SOBP: variants seen among roughly 807,000 people sequenced by gnomAD.
The protein encoded by SOBP is sine oculis binding protein homolog.
In SOBP, 4 loss-of-function variants were observed where a neutral mutation model predicts 53.6. That is an observed-to-expected ratio of 0.07 (90% confidence interval 0.04 to 0.17). The LOEUF (loss-of-function observed/expected upper bound fraction) is 0.17. Ranked by LOEUF, SOBP falls within the 10% of genes least tolerant of loss-of-function variation. The pLI, the probability that SOBP is intolerant of heterozygous loss-of-function variation, is 1.00. For synonymous variants in SOBP, 584 were observed against 522.6 expected, an observed-to-expected ratio of 1.12 and a Z score of -1.60; for missense variants, 1,088 against 1,204.7, an observed-to-expected ratio of 0.90 and a Z score of 1.43.
chr6:107,579,586 CA>C lies in SOBP; in HGVS notation c.574-7493del, dbSNP rs555222980. Reference sequence around the variant, plus strand: ...ATGTGGAATCTGTTGCCATAACTGTCACGCAATCCATTAGGGCCCCTGAGTA... The same window carrying C: ...ATGTGGAATCTGTTGCCATAACTGTCCGCAATCCATTAGGGCCCCTGAGTA... On this transcript the variant is annotated intron_variant, in intron 4 of 6. Coordinates refer to ENST00000317357, the MANE Select transcript of SOBP (RefSeq NM_018013.4). Among the ~76,000 whole-genome samples, 140 of 152,242 alleles carry C rather than the reference CA, an allele frequency of 9.2e-4. 3 individuals carry two copies. In the South Asian group the frequency reaches 0.026, roughly 28 times the overall value.
chr6:107,553,537 G>A (rs1212789981), intron 4 of SOBP, among the ~76,000 whole-genome samples: 2 of 151,484 alleles, frequency 1.3e-5, no homozygotes, highest in Non-Finnish European at 2.9e-5. Flanking sequence ...TGTCGCCCAG[G>A]CTGGAGTGCA....
chr6:107,546,372 A>G (rs2115004485), intron 4 of SOBP, among the ~76,000 whole-genome samples: 1 of 152,370 alleles, frequency 6.6e-6, no homozygotes, highest in Admixed American at 6.5e-5. Flanking sequence ...TGAGAAGCTT[A>G]AGTGCTGTAA....
At chr6:107,641,519 G>A (rs890862047) in intron 6 of SOBP, among the ~76,000 whole-genome samples, 2 of 152,202 alleles carry the variant, frequency 1.3e-5, no homozygotes, top group Admixed American at 6.5e-5. Context: ...GGACAGGTCG[G>A]TGAACACCAG....
intron 5 of SOBP, among the ~76,000 whole-genome samples, chr6:107,613,766 A>G (rs1476257921): frequency 6.6e-6 from 1 of 152,240 alleles, no homozygotes; most frequent in East Asian, 1.9e-4. Context: ...GTCTAAGTCC[A>G]AAGTTGCTGA....
At chr6:107,570,883 T>C (rs1048823539) in intron 4 of SOBP, among the ~76,000 whole-genome samples, 3 of 152,274 alleles carry the variant, frequency 2.0e-5, no homozygotes, top group Non-Finnish European at 4.4e-5. Flanking sequence ...CTCAACATAT[T>C]AACAAATAAC....
intron 5 of SOBP, among the ~76,000 whole-genome samples, chr6:107,630,031 T>C (rs1770638454): frequency 6.6e-6 from 1 of 152,200 alleles, no homozygotes; most frequent in Non-Finnish European, 1.5e-5. Context: ...GGTCCCCAGA[T>C]TGGCATCGTT....
At chr6:107,610,057 C>T (rs567092862) in intron 5 of SOBP, among the ~76,000 whole-genome samples, 1 of 152,258 alleles carries the variant, frequency 6.6e-6, no homozygotes, top group Non-Finnish European at 1.5e-5. Context: ...ACATCTTATC[C>T]AGTTGAAGGC....
At chr6:107,536,881 G>A (rs1248109495) in intron 4 of SOBP, among the ~76,000 whole-genome samples, 3 of 152,146 alleles carry the variant, frequency 2.0e-5, no homozygotes, top group African/African-American at 7.2e-5. Context: ...CCTTATCCCC[G>A]AAGGCTTATT....
At chr6:107,588,711 C>T (rs946906160) in intron 5 of SOBP, among the ~76,000 whole-genome samples, 1 of 152,126 alleles carries the variant, frequency 6.6e-6, no homozygotes, top group Non-Finnish European at 1.5e-5. Flanking sequence ...TGGTTGTGGT[C>T]AGTTTATACT....
Position 107,533,597 on chromosome 6 carries a change from TCAAGAGAAATAAGGTAAGAG to T in SOBP, c.563_573+9del. ...TTTGCGGCCTGCCGACGAGCCTACT[TCAAGAGAAATAAGGTAAGAG>T]CACCGGAGAGAGAGGCGGCCCCCCA... On this transcript the variant is annotated splice_donor_variant and splice_donor_5th_base_variant and coding_sequence_variant and intron_variant, in exon 4 of 7. Coordinates refer to ENST00000317357, the MANE Select transcript of SOBP (RefSeq NM_018013.4). LOFTEE classifies it high-confidence loss of function. 6.2e-7 allele frequency: 1 copy of T among 1,613,760 alleles called. No homozygotes were observed. Among genetic ancestry groups the T allele is most frequent in the Non-Finnish European group, 8.5e-7 (1 of 1,179,852 alleles).
chr6:107,493,619 G>A (rs930896392), intron 1 of SOBP, among the ~76,000 whole-genome samples: 6 of 152,186 alleles, frequency 3.9e-5, no homozygotes, highest in Non-Finnish European at 8.8e-5. Flanking sequence ...TGGTGTGTAT[G>A]TGATTTTTTT....
chr6:107,504,626 G>A (rs990055508), intron 2 of SOBP, among the ~76,000 whole-genome samples: 1 of 152,206 alleles, frequency 6.6e-6, no homozygotes, highest in African/African-American at 2.4e-5. Context: ...CTGGCAATTT[G>A]ATCAATATTT....
At chr6:107,649,711 G>A (rs889696464) in intron 6 of SOBP, among the ~76,000 whole-genome samples, 8 of 151,676 alleles carry the variant, frequency 5.3e-5, no homozygotes, top group African/African-American at 1.9e-4. Flanking sequence ...AAACTACACT[G>A]TTAGTCATGA....
chr6:107,605,434 A>G (rs1786339003), intron 5 of SOBP, among the ~76,000 whole-genome samples: 1 of 152,248 alleles, frequency 6.6e-6, no homozygotes, highest in Admixed American at 6.5e-5. Context: ...ATGTAGGCGA[A>G]AAACAAATTT....
intron 4 of SOBP, among the ~76,000 whole-genome samples, chr6:107,569,890 C>G (rs1043267994): frequency 6.6e-6 from 1 of 152,232 alleles, no homozygotes; most frequent in South Asian, 2.1e-4. Flanking sequence ...TGCATTCTCA[C>G]CCCCCTTTGC....
At chr6:107,499,487 A>C (rs1265925332) in intron 1 of SOBP, among the ~76,000 whole-genome samples, 1 of 152,200 alleles carries the variant, frequency 6.6e-6, no homozygotes, top group African/African-American at 2.4e-5. Flanking sequence ...ATGGTTTGAG[A>C]GATGATTTTT....
At chr6:107,503,842 A>T in intron 2 of SOBP, 47 bp downstream of exon 2, 1 of 1,608,746 alleles carries the variant, frequency 6.2e-7, no homozygotes. Context: ...AGGATTAACT[A>T]TCTCAACCTG....
chr6:107,647,977 A>T (rs926546001), intron 6 of SOBP, among the ~76,000 whole-genome samples: 2 of 152,122 alleles, frequency 1.3e-5, no homozygotes, highest in African/African-American at 4.8e-5. Context: ...TATAGCTCTT[A>T]CATTTTGCAA....
intron 3 of SOBP, among the ~76,000 whole-genome samples, chr6:107,516,909 A>G (rs972825342): frequency 7.9e-5 from 12 of 152,210 alleles, no homozygotes; most frequent in African/African-American, 2.7e-4. Flanking sequence ...TATAGATTAG[A>G]GACTAAATAT....
Sources: gnomAD v4.1 joint callset for allele counts (sites outside exome capture counted in the v4.1 genomes callset) on GRCh38, gnomAD v4.1.1 for gene constraint, MANE v1.5 for transcripts, NCBI Gene and HGNC (gene_info 2026-07-23, HGNC 2026-07-21) for gene names.